Variants in MAPKAP1 observed in about 807,000 individuals in gnomAD.
The protein encoded by MAPKAP1 is MAPK associated protein 1, also known as target of rapamycin complex 2 subunit MAPKAP1.
A neutral mutation model predicts 65.7 loss-of-function variants in MAPKAP1; 20 were observed. The ratio of observed to expected loss-of-function variants is 0.30; its 90% CI spans 0.21 to 0.44. The LOEUF (loss-of-function observed/expected upper bound fraction) is 0.44. MAPKAP1 is among the 20% of genes least tolerant of loss of function. The pLI, the probability that MAPKAP1 is intolerant of heterozygous loss-of-function variation, is 1.00. For synonymous variants in MAPKAP1, 222 were observed against 244.3 expected (o/e 0.91, Z 0.85); for missense variants, 423 against 648.0 (o/e 0.65, Z 3.77).
intron 8 of MAPKAP1, among the ~76,000 whole-genome samples, chr9:125,491,069 C>T (rs538130706): frequency 2.7e-5 from 4 of 147,900 alleles, no homozygotes; most frequent in Middle Eastern, 7.2e-3. Flanking sequence ...AGCCAGTAGG[C>T]GGAGGCTGAA....
chr9:125,576,407 G>A (rs1262094948), intron 5 of MAPKAP1, among the ~76,000 whole-genome samples: 2 of 152,188 alleles, frequency 1.3e-5, no homozygotes, highest in Non-Finnish European at 2.9e-5. Context: ...TATTTTCTGT[G>A]CAAATTTTCT....
chr9:125,621,795 A>G (rs962570267), intron 4 of MAPKAP1, among the ~76,000 whole-genome samples: 3 of 152,252 alleles, frequency 2.0e-5, no homozygotes, highest in African/African-American at 7.2e-5. Flanking sequence ...CTACTATTTA[A>G]TAATTTGAAC....
At chr9:125,467,177 T>C (rs908770837) in intron 10 of MAPKAP1, among the ~76,000 whole-genome samples, 1 of 152,200 alleles carries the variant, frequency 6.6e-6, no homozygotes, top group Non-Finnish European at 1.5e-5. Flanking sequence ...TTGAGAACCA[T>C]TATCTTATAG....
At chr9:125,477,601 C>T (rs1458632357) in intron 9 of MAPKAP1, among the ~76,000 whole-genome samples, 1 of 152,156 alleles carries the variant, frequency 6.6e-6, no homozygotes, top group Non-Finnish European at 1.5e-5. Context: ...ATGTCTTGGC[C>T]CTGTCTGCCA....
At chr9:125,560,259 G>A (rs2131505693) in intron 5 of MAPKAP1, among the ~76,000 whole-genome samples, 1 of 152,298 alleles carries the variant, frequency 6.6e-6, no homozygotes, top group South Asian at 2.1e-4. Flanking sequence ...GGGGAAGGCA[G>A]GGGTCAGAGG....
intron 1 of MAPKAP1, among the ~76,000 whole-genome samples, chr9:125,695,310 A>T (rs532106117): frequency 3.9e-4 from 59 of 152,308 alleles, no homozygotes; most frequent in African/African-American, 1.4e-3. Flanking sequence ...GCATTCTATC[A>T]ATATAGTGAA....
chr9:125,679,819 A>T (rs568895345), intron 1 of MAPKAP1, among the ~76,000 whole-genome samples: 1 of 152,168 alleles, frequency 6.6e-6, no homozygotes, highest in African/African-American at 2.4e-5. Context: ...TTCTCAAAAC[A>T]CTACCCGCTC....
At chr9:125,628,899 A>G (rs1294807202) in intron 4 of MAPKAP1, among the ~76,000 whole-genome samples, 1 of 152,196 alleles carries the variant, frequency 6.6e-6, no homozygotes, top group Non-Finnish European at 1.5e-5. Flanking sequence ...AACAACAACA[A>G]CAAAAACAAT....
chr9:125,459,556 C>T (rs1853378779), intron 10 of MAPKAP1, among the ~76,000 whole-genome samples: 1 of 152,162 alleles, frequency 6.6e-6, no homozygotes, highest in Admixed American at 6.5e-5. Flanking sequence ...ACTCCGTCTG[C>T]AATCCCGGCA....
intron 5 of MAPKAP1, among the ~76,000 whole-genome samples, chr9:125,576,500 C>A (rs1278208526): frequency 6.6e-6 from 1 of 150,656 alleles, no homozygotes; most frequent in East Asian, 1.9e-4. Flanking sequence ...CCCTCTCCCT[C>A]TCCCCACGGT....
intron 6 of MAPKAP1, among the ~76,000 whole-genome samples, chr9:125,553,265 C>A (rs191636061): frequency 6.6e-6 from 1 of 152,140 alleles, no homozygotes; most frequent in Non-Finnish European, 1.5e-5. Flanking sequence ...AGGCTGGGCG[C>A]GGTGGCTCAT....
chr9:125,621,721 A>G (rs750050720), intron 4 of MAPKAP1, among the ~76,000 whole-genome samples: 19 of 152,222 alleles, frequency 1.2e-4, no homozygotes, highest in Non-Finnish European at 2.5e-4. Context: ...TATCCTCACT[A>G]TACAAATTCC....
At chr9:125,454,645 TTACTG>T (rs1853099756) in intron 10 of MAPKAP1, among the ~76,000 whole-genome samples, 1 of 152,230 alleles carries the variant, frequency 6.6e-6, no homozygotes, top group East Asian at 1.9e-4. Flanking sequence ...ACTACACTGT[TTACTG>T]AGTTTTTGGA....
rs376946150 is a variant in MAPKAP1 at position 125,643,411 on chromosome 9, T to A, written c.498+14240A>T. Among the ~76,000 whole-genome samples, 3 of 152,204 alleles carry A rather than the reference T, an allele frequency of 2.0e-5. No individual in the cohort carries two copies. The East Asian group carries it at 5.8e-4, about 29-fold the overall frequency. On this transcript the variant is annotated intron_variant, in intron 4 of 11. Coordinates refer to ENST00000265960, the MANE Select transcript of MAPKAP1 (RefSeq NM_001006617.3). ...GGTTTCACCATGTTGGCCAGGCTGG[T>A]CTCAAACTCCTGACCTCAGGTGATC...
intron 8 of MAPKAP1, among the ~76,000 whole-genome samples, chr9:125,488,383 G>A (rs1422522986): frequency 6.6e-6 from 1 of 152,060 alleles, no homozygotes; most frequent in Non-Finnish European, 1.5e-5. Flanking sequence ...TCTCTCTTTT[G>A]AGACAGAGTT....
In MAPKAP1 at chr9:125,511,805, C is replaced by T. The variant is rs568761285; in HGVS notation, c.959-5388G>A. Reference sequence around the variant, plus strand: ...AAGAGGATTTAAAAAGTCACAGCTGCGCATGAAGCCGCATACCCTCCATTT... The same window carrying T: ...AAGAGGATTTAAAAAGTCACAGCTGTGCATGAAGCCGCATACCCTCCATTT... On this transcript the variant is annotated intron_variant, in intron 7 of 11. Coordinates refer to ENST00000265960, the MANE Select transcript of MAPKAP1 (RefSeq NM_001006617.3). Among the ~76,000 whole-genome samples, 21 of 152,284 alleles carry T rather than the reference C, an allele frequency of 1.4e-4. No individual in the cohort carries two copies. In the East Asian group the frequency reaches 1.5e-3, roughly 11 times the overall value.
chr9:125,507,447 G>T (rs1395771703), intron 7 of MAPKAP1, among the ~76,000 whole-genome samples: 1 of 152,190 alleles, frequency 6.6e-6, no homozygotes. Flanking sequence ...GGCGGAACAC[G>T]TATTTTTAGA....
intron 10 of MAPKAP1, among the ~76,000 whole-genome samples, chr9:125,457,170 G>GT (rs1429736143): frequency 2.0e-5 from 3 of 151,976 alleles, no homozygotes; most frequent in Admixed American, 6.6e-5. Flanking sequence ...TGCATTTTTA[G>GT]TAGAGACAGG....
intron 1 of MAPKAP1, among the ~76,000 whole-genome samples, chr9:125,701,952 T>C (rs1464923772): frequency 2.6e-5 from 4 of 152,194 alleles, no homozygotes; most frequent in East Asian, 1.9e-4. Context: ...AATCAAAACA[T>C]TGTATTGTAT....
Sources: allele counts gnomAD v4.1 joint callset (sites outside exome capture counted in the v4.1 genomes callset), GRCh38; gene constraint gnomAD v4.1.1; transcripts MANE v1.5; gene names NCBI Gene and HGNC (gene_info 2026-07-23, HGNC 2026-07-21).